UGT1A10: variants seen among roughly 807,000 people sequenced by gnomAD.
UGT1A10 encodes UDP-glucuronosyltransferase 1A10.
UGT1A10 carries 49 observed loss-of-function variants against 45.8 expected under a neutral mutation model. The ratio of observed to expected loss-of-function variants is 1.07; its 90% CI spans 0.85 to 1.36. The LOEUF is 1.36. Ranked by LOEUF, UGT1A10 falls within the 40% of genes most tolerant of loss-of-function variation. The probability of loss-of-function intolerance (pLI) is 0.00; values close to 1 mark genes in which losing one functional copy is unlikely to be tolerated. For missense variants in UGT1A10, 745 were observed against 668.6 expected (o/e 1.11, Z -1.26); for synonymous variants, 284 against 249.7 (o/e 1.14, Z -1.29).
At chr2:233,760,521 G>A (rs2125985351) in intron 1 of UGT1A10, 2 of 1,614,238 alleles carry the variant, frequency 1.2e-6, no homozygotes, top group Non-Finnish European at 1.7e-6. Flanking sequence ...CCTTGAAGAC[G>A]TACCCTGTGC....
chr2:233,695,167 T>C (rs898009991), intron 1 of UGT1A10, among the ~76,000 whole-genome samples: 3 of 145,396 alleles, frequency 2.1e-5, no homozygotes, highest in East Asian at 2.0e-4. Flanking sequence ...CACTCTGTCA[T>C]CAGGCTGGAG....
intron 1 of UGT1A10, among the ~76,000 whole-genome samples, chr2:233,733,262 T>A (rs11685892): frequency 0.53 from 80,164 of 151,964 alleles, 22,478 homozygotes; most frequent in African/African-American, 0.73. Flanking sequence ...AAACAGGGAC[T>A]ATTTGACTTC....
intron 1 of UGT1A10, among the ~76,000 whole-genome samples, chr2:233,641,010 G>A (rs998753467): frequency 2.0e-5 from 3 of 152,018 alleles, no homozygotes; most frequent in Admixed American, 1.3e-4. Flanking sequence ...TGCACCCAGC[G>A]ATCACCAGAC....
intron 1 of UGT1A10, among the ~76,000 whole-genome samples, chr2:233,718,202 T>C (rs918589370): frequency 1.3e-5 from 2 of 152,242 alleles, no homozygotes; most frequent in African/African-American, 4.8e-5. Context: ...CGGAGCTTTT[T>C]TTTATATTGA....
intron 1 of UGT1A10, among the ~76,000 whole-genome samples, chr2:233,759,294 C>T (rs1363540933): frequency 6.6e-6 from 1 of 152,134 alleles, no homozygotes; most frequent in Admixed American, 6.5e-5. Flanking sequence ...TGAAGCTGAG[C>T]CCTGAGTGGC....
At chr2:233,657,342 G>A (rs1489831210) in intron 1 of UGT1A10, among the ~76,000 whole-genome samples, 1 of 152,190 alleles carries the variant, frequency 6.6e-6, no homozygotes, top group African/African-American at 2.4e-5. Flanking sequence ...TCTGCAGGCT[G>A]TATAAGAATC....
intron 1 of UGT1A10, chr2:233,755,099 C>G: frequency 2.2e-6 from 3 of 1,335,076 alleles, no homozygotes; most frequent in Non-Finnish European, 3.0e-6. Context: ...TCTACGCGTC[C>G]GACAACACCT....
chr2:233,676,730 T>C (rs1209885601), intron 1 of UGT1A10, among the ~76,000 whole-genome samples: 1 of 152,216 alleles, frequency 6.6e-6, no homozygotes, highest in Non-Finnish European at 1.5e-5. Flanking sequence ...TTTTGCCTGA[T>C]GTTTTCATCG....
chr2:233,759,887 T>G (rs1697280307), intron 1 of UGT1A10, among the ~76,000 whole-genome samples: 1 of 152,200 alleles, frequency 6.6e-6, no homozygotes, highest in African/African-American at 2.4e-5. Flanking sequence ...GTTCTTTTCT[T>G]TCTAAAAGGC....
In UGT1A10 at chr2:233,703,900, T is replaced by G. The variant is rs556559029; in HGVS notation, c.856-63134T>G. On this transcript the variant is annotated intron_variant, in intron 1 of 4. Transcript: ENST00000344644. ...GTCTACCATCATTTTTTTCTTTTCT[T>G]TTTTTTTTGAGACAAAATCTCATTC... 2.0e-5 allele frequency among the ~76,000 whole-genome samples: 3 copies of G among 151,044 alleles called. No homozygotes were observed. The East Asian group carries it at 5.8e-4, about 29-fold the overall frequency.
At chr2:233,653,220 C>T (rs769214569) in intron 1 of UGT1A10, among the ~76,000 whole-genome samples, 1 of 152,128 alleles carries the variant, frequency 6.6e-6, no homozygotes, top group African/African-American at 2.4e-5. Flanking sequence ...AATCTGTTTA[C>T]GTTTTAAAAG....
At chr2:233,668,422 A>G (rs565356263) in intron 1 of UGT1A10, among the ~76,000 whole-genome samples, 1 of 152,314 alleles carries the variant, frequency 6.6e-6, no homozygotes, top group African/African-American at 2.4e-5. Flanking sequence ...TCCATGGTGT[A>G]TATGTGCCAC....
chr2:233,702,674 T>C (rs1045576021), intron 1 of UGT1A10, among the ~76,000 whole-genome samples: 4 of 152,172 alleles, frequency 2.6e-5, no homozygotes, highest in African/African-American at 9.7e-5. Flanking sequence ...TTATCATACC[T>C]GAGGTGTTTG....
In UGT1A10 at chr2:233,743,838, C is replaced by A. The variant is rs749381543; in HGVS notation, c.856-23196C>A. 7.3e-6 allele frequency: 10 copies of A among 1,367,292 alleles called. No individual in the cohort carries two copies. In the South Asian group the frequency reaches 1.1e-4, roughly 16 times the overall value. 84.7% of individuals were successfully genotyped at this position (1,367,292 alleles called of 1,614,324 possible). On this transcript the variant is annotated intron_variant, in intron 1 of 4. Coordinates refer to ENST00000344644, the MANE Select transcript of UGT1A10 (RefSeq NM_019075.4). The stretch of plus-strand genomic sequence containing the variant: ...TTTTTGTCGGGGTGCCACTTGAGCG[C>A]CAGCTTGCGGTACGCCTTCTTGATG...
At chr2:233,713,744 T>C (rs137952543) in intron 1 of UGT1A10, 2 of 1,613,956 alleles carry the variant, frequency 1.2e-6, no homozygotes, top group African/African-American at 1.3e-5. Flanking sequence ...TTGTCAGCCA[T>C]GCATCTGTGT....
chr2:233,721,676 A>T (rs1442079995), intron 1 of UGT1A10: 1 of 291,948 alleles, frequency 3.4e-6, no homozygotes, highest in African/African-American at 2.2e-5. Context: ...TTAATCCAAT[A>T]ATGAGCTCTG....
At chr2:233,711,910 G>A (rs1432340801) in intron 1 of UGT1A10, among the ~76,000 whole-genome samples, 1 of 152,198 alleles carries the variant, frequency 6.6e-6, no homozygotes, top group East Asian at 1.9e-4. Context: ...AGACCATTGT[G>A]AGTGCTCAGG....
intron 1 of UGT1A10, among the ~76,000 whole-genome samples, chr2:233,643,869 C>T (rs2073528229): frequency 6.6e-6 from 1 of 152,150 alleles, no homozygotes; most frequent in African/African-American, 2.4e-5. Context: ...GGCACAGGGG[C>T]CTCATGATTC....
chr2:233,756,969 C>G (rs1044581590), intron 1 of UGT1A10, among the ~76,000 whole-genome samples: 1 of 151,840 alleles, frequency 6.6e-6, no homozygotes, highest in East Asian at 1.9e-4. Flanking sequence ...TTGGTAAGCA[C>G]GCAATGAACA....
Sources: gnomAD v4.1 joint callset for allele counts (sites outside exome capture counted in the v4.1 genomes callset) on GRCh38, gnomAD v4.1.1 for gene constraint, MANE v1.5 for transcripts, NCBI Gene and HGNC (gene_info 2026-07-23, HGNC 2026-07-21) for gene names.